MYL5: variants seen among roughly 807,000 people sequenced by gnomAD.
The protein encoded by MYL5 is myosin regulatory light chain 5.
A neutral mutation model predicts 20.8 loss-of-function variants in MYL5; 28 were observed. The ratio of observed to expected loss-of-function variants is 1.35; its 90% confidence interval spans 1.00 to 1.84. The LOEUF is 1.84. MYL5 is among the 40% of genes most tolerant of loss of function. MYL5 has a pLI of 0.00. For synonymous variants in MYL5, 118 were observed against 87.4 expected, an observed-to-expected ratio of 1.35 and a Z score of -1.95; for missense variants, 274 against 227.3, an observed-to-expected ratio of 1.21 and a Z score of -1.32.
At chr4:681,431 G>C (rs992834156) in intron 6 of MYL5, among the ~76,000 whole-genome samples, 1 of 151,810 alleles carries the variant, frequency 6.6e-6, no homozygotes, top group Non-Finnish European at 1.5e-5. Flanking sequence ...GTGCGGTCCG[G>C]AGCCGCCCCC....
intron 3 of MYL5, chr4:679,291 C>T (rs953041594): frequency 3.1e-5 from 12 of 388,070 alleles, no homozygotes; most frequent in Non-Finnish European, 5.1e-5. Context: ...AGGCAGCAGG[C>T]TCCAGGGAGG....
intron 3 of MYL5, among the ~76,000 whole-genome samples, chr4:679,375 G>A (rs150889674): frequency 1.4e-5 from 2 of 148,094 alleles, no homozygotes; most frequent in South Asian, 2.1e-4. Flanking sequence ...GCTGACAGAG[G>A]GCATGGAGAC....
exon 5 of MYL5, chr4:680,579 CAAG>C (rs1739364677): frequency 4.3e-6 from 7 of 1,612,994 alleles, no homozygotes; most frequent in Non-Finnish European, 5.9e-6. Context: ...GGAAAATCAA[CAAG>C]GAGTAGTGAG....
chr4:676,788 C>T (rs1738883849), upstream of MYL5: 1 of 754,894 alleles, frequency 1.3e-6, no homozygotes, highest in Non-Finnish European at 1.6e-6. Flanking sequence ...GGCCCTTGCT[C>T]CCAGCCCCAG....
chr4:680,928 TG>T (rs1432859339), intron 5 of MYL5, 163 bp from the exon 8 acceptor site: 2 of 777,624 alleles, frequency 2.6e-6, no homozygotes, highest in Non-Finnish European at 4.2e-6. Flanking sequence ...TGATGGCCCC[TG>T]AGTGTGTGTT....
intron 3 of MYL5, chr4:679,300 G>A (rs887586104): frequency 1.0e-5 from 4 of 383,148 alleles, no homozygotes; most frequent in African/African-American, 9.7e-5. Flanking sequence ...GCTCCAGGGA[G>A]GGGCTGACTC....
intron 3 of MYL5, among the ~76,000 whole-genome samples, chr4:679,339 G>A (rs1396814315): frequency 7.2e-5 from 11 of 152,244 alleles, no homozygotes; most frequent in East Asian, 1.9e-4. Context: ...GCAGGCAGGC[G>A]GCTTGCCCCC....
chr4:681,089 C>G lies in MYL5; in HGVS notation c.372-3C>G, dbSNP rs951070795. ...CCGCGCTGACCCCTTTCCTCGTCCT[C>G]AGCATCAAGCGTCTGCTGATGTCCC... On this transcript the variant is annotated splice_polypyrimidine_tract_variant and splice_region_variant and intron_variant, in intron 5 of 6. Transcript: ENST00000400159. The G allele has an allele frequency of 3.7e-6, 6 of 1,600,726 alleles. No homozygotes were observed. Among genetic ancestry groups the G allele is most frequent in the Non-Finnish European group, 5.1e-6 (6 of 1,174,352 alleles).
chr4:678,260 T>C, intron 1 of MYL5: 1 of 1,468,642 alleles, frequency 6.8e-7, no homozygotes, highest in African/African-American at 1.4e-5. Context: ...CACGTTGCTC[T>C]CCTGGTGAGA....
chr4:678,109 G>T, intron 1 of MYL5, 80 bp downstream of exon 3: 1 of 1,590,220 alleles, frequency 6.3e-7, no homozygotes, highest in South Asian at 1.1e-5. Context: ...GCACAGACGA[G>T]CGTGGGCGTG....
chr4:679,485 T>C (rs1739224094), intron 3 of MYL5, among the ~76,000 whole-genome samples: 1 of 152,022 alleles, frequency 6.6e-6, no homozygotes, highest in East Asian at 1.9e-4. Context: ...CCTCCCCAGC[T>C]TCAGTCCTCC....
At chr4:680,479 G>C in intron 4 of MYL5, 30 bp from the exon 7 acceptor site, 1 of 1,611,626 alleles carries the variant, frequency 6.2e-7, no homozygotes, top group Non-Finnish European at 8.5e-7. Flanking sequence ...CCACCCTGAC[G>C]GCCCTGGGCT....
At chr4:681,400 G>A (rs1424371013) in intron 6 of MYL5, among the ~76,000 whole-genome samples, 1 of 151,966 alleles carries the variant, frequency 6.6e-6, no homozygotes, top group Non-Finnish European at 1.5e-5. Flanking sequence ...TGTCCCAGCC[G>A]GAGGGGCGGG....
intron 5 of MYL5, 74 bp from the exon 8 acceptor site, chr4:681,018 G>GA (rs1739425139): frequency 1.3e-6 from 2 of 1,511,684 alleles, no homozygotes; most frequent in South Asian, 2.4e-5. Flanking sequence ...GGGGCCCCTG[G>GA]AGCACCTGAG....
Position 680,600 on chromosome 4 carries a change from G to T in MYL5, c.371+13G>T. The T allele has an allele frequency of 6.2e-7, 1 of 1,611,986 alleles. No individual in the cohort carries two copies. The highest frequency in any genetic ancestry group is 1.7e-4 in the Middle Eastern group (1 of 6,054). The stretch of plus-strand genomic sequence containing the variant: ...TCAACAAGGAGTAGTGAGTGCCCGG[G>T]CGGCCAGGGCGGCCCGGCTTCCGGG... On this transcript the variant is annotated intron_variant, in intron 5 of 6. Transcript: ENST00000400159.
upstream of MYL5, among the ~76,000 whole-genome samples, chr4:677,334 ACT>A (rs1363820053): frequency 6.6e-6 from 1 of 151,962 alleles, no homozygotes; most frequent in Non-Finnish European, 1.5e-5. Context: ...CCTACCCCAG[ACT>A]CTGTGCCTGA....
chr4:682,007 T>G, exon 7 of MYL5: 1 of 1,419,974 alleles, frequency 7.0e-7, no homozygotes, highest in Non-Finnish European at 9.3e-7. Context: ...CCCAGCCGGG[T>G]CAATAAACCT....
chr4:679,290 G>A lies in MYL5; in HGVS notation c.187+257G>A, dbSNP rs554537432. On this transcript the variant is annotated intron_variant, in intron 3 of 6. Coordinates refer to ENST00000400159, the Ensembl canonical transcript of MYL5. The stretch of plus-strand genomic sequence containing the variant: ...CTCAGAGTGGGCTTTGAGGCAGCAG[G>A]CTCCAGGGAGGGGCTGACTCTCTGG... 7.9e-4 allele frequency: 308 copies of A among 388,030 alleles called. 1 individual carries two copies. In the African/African-American group the frequency reaches 0.014, roughly 18 times the overall value. 24.0% of individuals were successfully genotyped at this position (388,030 alleles called of 1,614,324 possible).
intron 5 of MYL5, 60 bp from the exon 8 acceptor site, chr4:681,032 C>A: frequency 6.5e-7 from 1 of 1,548,292 alleles, no homozygotes; most frequent in East Asian, 2.4e-5. Flanking sequence ...ACCTGAGCCC[C>A]ACCGAGAAGG....
Sources: gnomAD v4.1 joint callset for allele counts (sites outside exome capture counted in the v4.1 genomes callset) on GRCh38, gnomAD v4.1.1 for gene constraint, MANE v1.5 for transcripts, NCBI Gene and HGNC (gene_info 2026-07-23, HGNC 2026-07-21) for gene names.